DYRK4: variants seen among roughly 807,000 people sequenced by gnomAD.
The protein encoded by DYRK4 is dual specificity tyrosine phosphorylation regulated kinase 4.
In DYRK4, 64 loss-of-function variants were observed where a neutral mutation model predicts 68.3. The ratio of observed to expected loss-of-function variants is 0.94; its 90% CI spans 0.77 to 1.15. The LOEUF is 1.15. Ranked by LOEUF, DYRK4 falls within the 50% of genes most tolerant of loss-of-function variation. DYRK4 has a pLI of 0.00. For missense variants in DYRK4, 740 were observed against 764.7 expected (o/e 0.97, Z 0.38); for synonymous variants, 274 against 289.9 (o/e 0.95, Z 0.56).
intron 13 of DYRK4, among the ~76,000 whole-genome samples, chr12:4,612,181 C>T (rs926812632): frequency 1.3e-5 from 2 of 152,084 alleles, no homozygotes; most frequent in African/African-American, 2.4e-5. Flanking sequence ...TTTTTGAAGC[C>T]CCAATTCTGT....
chr12:4,563,449 C>G (rs1023533282), intron 1 of DYRK4, among the ~76,000 whole-genome samples: 1 of 152,228 alleles, frequency 6.6e-6, no homozygotes, highest in Non-Finnish European at 1.5e-5. Flanking sequence ...TTAGCTGACT[C>G]TAAGCCCATC....
chr12:4,607,755 C>G (rs1466561402), intron 12 of DYRK4, among the ~76,000 whole-genome samples: 2 of 152,228 alleles, frequency 1.3e-5, no homozygotes, highest in East Asian at 3.8e-4. Flanking sequence ...GCAGGGAAAT[C>G]AAAGAGCAGA....
chr12:4,588,635 C>A (rs146071594), intron 2 of DYRK4, among the ~76,000 whole-genome samples: 1 of 152,190 alleles, frequency 6.6e-6, no homozygotes, highest in African/African-American at 2.4e-5. Flanking sequence ...TACTCCTTAC[C>A]GTAAGCAGGG....
chr12:4,567,107 A>G (rs1403499038), intron 1 of DYRK4, among the ~76,000 whole-genome samples: 1 of 152,212 alleles, frequency 6.6e-6, no homozygotes, highest in African/African-American at 2.4e-5. Context: ...TGATTTTTCA[A>G]TAGTTATACT....
intron 1 of DYRK4, chr12:4,564,643 T>C (rs1346881546): frequency 6.6e-6 from 1 of 152,244 alleles, no homozygotes; most frequent in East Asian, 1.9e-4. Flanking sequence ...TTCGAACTCC[T>C]TGAAAACAAG....
chr12:4,596,767 A>G, intron 8 of DYRK4, 38 bp downstream of exon 8: 1 of 1,609,676 alleles, frequency 6.2e-7, no homozygotes, highest in Non-Finnish European at 8.5e-7. Flanking sequence ...TTTCTCTGGA[A>G]AAGTTACCTA....
intron 2 of DYRK4, among the ~76,000 whole-genome samples, chr12:4,568,924 A>G (rs1158991059): frequency 6.6e-6 from 1 of 152,212 alleles, no homozygotes; most frequent in African/African-American, 2.4e-5. Flanking sequence ...GTTTCACAGC[A>G]AACTTCAGCC....
At chr12:4,572,902 A>C in intron 2 of DYRK4, 1 of 206,718 alleles carries the variant, frequency 4.8e-6, no homozygotes, top group Non-Finnish European at 9.8e-6. Context: ...GTGGAAGAGG[A>C]TATCCGACGG....
chr12:4,595,296 A>C (rs1413460751), intron 6 of DYRK4, among the ~76,000 whole-genome samples: 5 of 152,144 alleles, frequency 3.3e-5, no homozygotes, highest in Non-Finnish European at 7.4e-5. Flanking sequence ...ACAAACACTT[A>C]ATCCTTCACC....
chr12:4,610,072 C>T, intron 12 of DYRK4, 83 bp from the exon 13 acceptor site: 2 of 1,302,994 alleles, frequency 1.5e-6, no homozygotes, highest in South Asian at 1.6e-5. Flanking sequence ...AAAAGAGCTA[C>T]AGAGGCCACT....
At chr12:4,572,428 CCCG>C (rs1245466017) in intron 2 of DYRK4, among the ~76,000 whole-genome samples, 11 of 152,110 alleles carry the variant, frequency 7.2e-5, no homozygotes, top group Non-Finnish European at 1.3e-4. Context: ...ACTACAGGCG[CCCG>C]CCACCACACC....
Position 4,596,644 on chromosome 12 carries a change from G to A in DYRK4, c.820G>A (p.Asp274Asn). ...LKILEALRKK[D>N]KDNTYNVVHM... ...GATCCTGGAAGCTCTCAGAAAGAAG[G>A]ACAAAGACAACACCTACAATGTGGT... The change falls in exon 8 of 15, where the codon GAC (aspartate) becomes AAC (asparagine). Residue 274 changes from aspartate to asparagine, a missense_variant. Asp to Asn is a conservative substitution (Grantham distance 23). Coordinates refer to ENST00000543431, the MANE Select transcript of DYRK4 (RefSeq NM_001394779.1). 6.2e-7 allele frequency: 1 copy of A among 1,614,136 alleles called. No individual in the cohort carries two copies. Among genetic ancestry groups the A allele is most frequent in the Non-Finnish European group, 8.5e-7 (1 of 1,180,016 alleles).
rs1485085411 is a variant in DYRK4 at position 4,610,890 on chromosome 12, T to C, written c.1490+606T>C. On this transcript the variant is annotated intron_variant, in intron 13 of 14. Coordinates refer to ENST00000543431, the MANE Select transcript of DYRK4 (RefSeq NM_001394779.1). ...CGTAGTACCCAGCACAGCACCCAGTTTAAAAGGTGTTTAGAAAACGTTAGC... is the reference window on the plus strand; with the variant it reads ...CGTAGTACCCAGCACAGCACCCAGTCTAAAAGGTGTTTAGAAAACGTTAGC... Among the ~76,000 whole-genome samples, 3 of 152,226 alleles carry C rather than the reference T, an allele frequency of 2.0e-5. 1 individual carries two copies. Among genetic ancestry groups the C allele is most frequent in the Non-Finnish European group, 4.4e-5 (3 of 68,046 alleles).
rs1411133020 is a variant in DYRK4 at position 4,568,020 on chromosome 12, G to A, written c.104G>A (p.Arg35Lys). The change falls in exon 2 of 15, where the codon AGA (arginine) becomes AAA (lysine). Residue 35 changes from arginine to lysine, a missense_variant. Physicochemically the swap from Arg to Lys is conservative, Grantham distance 26. Transcript: ENST00000543431. ...ACTCCCTTCCTGGTTTTGAAAGCAA[G>A]AAAGAAACAAAAGTTCACCTCTGCG... ...DLTPFLVLKA[R>K]KKQKFTSAKV... 1 of 1,535,988 alleles carries A rather than the reference G, an allele frequency of 6.5e-7. No individual in the cohort carries two copies. Among genetic ancestry groups the A allele is most frequent in the Non-Finnish European group, 8.7e-7 (1 of 1,146,898 alleles).
chr12:4,596,388 C>A, intron 7 of DYRK4, 103 bp downstream of exon 7: 3 of 1,562,022 alleles, frequency 1.9e-6, no homozygotes, highest in Non-Finnish European at 2.6e-6. Context: ...CCAATCTTCC[C>A]TTTTGTCTTC....
intron 9 of DYRK4, 184 bp from the exon 10 acceptor site, chr12:4,599,523 C>T (rs181800937): frequency 1.2e-4 from 67 of 581,392 alleles, no homozygotes; most frequent in Admixed American, 4.6e-4. Context: ...GAATGAGAAA[C>T]GCCGACCACA....
intron 8 of DYRK4, among the ~76,000 whole-genome samples, chr12:4,598,666 C>A (rs1365102289): frequency 6.6e-6 from 1 of 152,182 alleles, no homozygotes; most frequent in African/African-American, 2.4e-5. Flanking sequence ...TAGGCCTGGG[C>A]AGGAGTGGCT....
rs766629129 is a variant in DYRK4, at chr12:4,612,718, G to C, written c.1666G>C (p.Asp556His). 1.9e-6 allele frequency: 3 copies of C among 1,614,084 alleles called. No individual in the cohort carries two copies. The highest frequency in any genetic ancestry group is 2.5e-6 in the Non-Finnish European group (3 of 1,179,982). Residue 556 changes from aspartate to histidine, a missense_variant and splice_region_variant, in exon 14 of 15, where the codon GAT becomes CAT. This residue lies in a region of DYRK4 where 614 missense variants were observed against 603.7 expected (regional missense o/e 1.02). Transcript: ENST00000543431. ...VQGCHHSSRK[D>H]EITKETTEKT... ...AGGCTGTCATCACTCGAGCAGAAAA[G>C]GTACAGCCTGTCAAATAACCAGTCC... is the stretch of plus-strand genomic sequence containing the variant.
intron 10 of DYRK4, among the ~76,000 whole-genome samples, chr12:4,601,450 C>T (rs563697686): frequency 5.9e-5 from 9 of 152,294 alleles, no homozygotes; most frequent in Non-Finnish European, 1.0e-4. Context: ...CCAACCTAAA[C>T]ATCTACAAAT....
Sources: allele counts gnomAD v4.1 joint callset (sites outside exome capture counted in the v4.1 genomes callset), GRCh38; gene constraint gnomAD v4.1.1; regional missense constraint gnomAD v4.1.1; transcripts MANE v1.5; gene names NCBI Gene and HGNC (gene_info 2026-07-23, HGNC 2026-07-21).